Variants in TMEM100 observed in about 807,000 individuals in gnomAD.
The protein encoded by TMEM100 is transmembrane protein 100.
For missense variants in TMEM100, 137 were observed against 168.2 expected, an observed-to-expected ratio of 0.81 and a Z score of 1.02; for synonymous variants, 61 against 67.1, an observed-to-expected ratio of 0.91 and a Z score of 0.44.
chr17:55,721,619 A>T (rs1285056482), intron 1 of TMEM100: 2 of 153,464 alleles, frequency 1.3e-5, no homozygotes, highest in East Asian at 3.8e-4. Context: ...ATCAATGTCA[A>T]GGCAAGTGGC....
chr17:55,730,891 T>A (rs12937828), intron 1 of TMEM100, among the ~76,000 whole-genome samples: 2 of 152,222 alleles, frequency 1.3e-5, no homozygotes, highest in Non-Finnish European at 2.9e-5. Flanking sequence ...AACTTTGCTG[T>A]CTCCTTCTTG....
upstream of TMEM100, among the ~76,000 whole-genome samples, chr17:55,725,769 A>G (rs1909054309): frequency 6.6e-6 from 1 of 151,650 alleles, no homozygotes; most frequent in South Asian, 2.1e-4. Flanking sequence ...AGAGACAGAG[A>G]GAAAGGGCAT....
chr17:55,720,569 C>A lies in TMEM100; in HGVS notation c.*97G>T. The A allele has an allele frequency of 6.8e-7, 1 of 1,464,600 alleles. No individual in the cohort carries two copies. 90.7% of individuals were successfully genotyped at this position (1,464,600 alleles called of 1,614,324 possible). On this transcript the variant is annotated 3_prime_UTR_variant, in exon 2 of 2. Coordinates refer to ENST00000424486, the MANE Select transcript of TMEM100 (RefSeq NM_018286.3). The stretch of plus-strand genomic sequence containing the variant: ...CCCATTCTTCCAGTCTGCTCCAACG[C>A]CAAGTCTGTTCTCTCCCACCATGGT...
In TMEM100 at chr17:55,720,532, CA is replaced by C; in HGVS notation, c.*133del. 3.2e-6 allele frequency: 3 copies of C among 941,824 alleles called. No homozygotes were observed. The highest frequency in any genetic ancestry group is 4.6e-6 in the Non-Finnish European group (3 of 647,920). 58.3% of individuals were successfully genotyped at this position (941,824 alleles called of 1,614,324 possible). A position where few individuals can be genotyped will look rare whatever the true frequency, so the allele number is the denominator to read the frequency against. On this transcript the variant is annotated 3_prime_UTR_variant, in exon 2 of 2. Coordinates refer to ENST00000424486, the MANE Select transcript of TMEM100 (RefSeq NM_018286.3). Reference sequence around the variant, plus strand: ...ATTCCTCACAAAGGAGAAGCCCCTCCACCCTCCCACCCCCATTCTTCCAGTC... The same window carrying C: ...ATTCCTCACAAAGGAGAAGCCCCTCCCCCTCCCACCCCCATTCTTCCAGTC...
chr17:55,720,978 G>A lies in TMEM100; in HGVS notation c.93C>T (p.Ile31=), dbSNP rs1189317788. 6.2e-7 allele frequency: 1 copy of A among 1,614,198 alleles called. No homozygotes were observed. The highest frequency in any genetic ancestry group is 1.1e-5 in the South Asian group (1 of 91,084). The change falls in exon 2 of 2, where the codon ATC becomes ATT. Residue 31 remains isoleucine (I), a synonymous_variant. Transcript: ENST00000424486. ...MEKSPKSEVV[I]TTVPLVSEIQ... ...TCTCACTGACCAGAGGGACTGTGGT[G>A]ATCACAACTTCACTCTTGGGGCTCT...
rs1319616028 is a variant in TMEM100, at chr17:55,722,774, A to G, written c.-221T>C. 6.6e-6 allele frequency: 1 copy of G among 152,238 alleles called. No homozygotes were observed. The highest frequency in any genetic ancestry group is 2.4e-5 in the African/African-American group (1 of 41,442). 9.4% of individuals were successfully genotyped at this position (152,238 alleles called of 1,614,324 possible). A position where few individuals can be genotyped will look rare whatever the true frequency, so the allele number is the denominator to read the frequency against. Reference sequence around the variant, plus strand: ...TTAGGGATCTCTTCTGGGGAAAGGAAAAGATGTAAAAATACTTTACTATAG... The same window carrying G: ...TTAGGGATCTCTTCTGGGGAAAGGAGAAGATGTAAAAATACTTTACTATAG... On this transcript the variant is annotated 5_prime_UTR_variant, in exon 1 of 2. Coordinates refer to ENST00000424486, the MANE Select transcript of TMEM100 (RefSeq NM_018286.3).
chr17:55,725,901 C>T (rs1042186370), upstream of TMEM100, among the ~76,000 whole-genome samples: 1 of 152,126 alleles, frequency 6.6e-6, no homozygotes, highest in East Asian at 1.9e-4. Context: ...TGAATCAGAA[C>T]CTGCAGAAAA....
chr17:55,723,422 G>T (rs1272234346), upstream of TMEM100, among the ~76,000 whole-genome samples: 2 of 152,180 alleles, frequency 1.3e-5, no homozygotes, highest in African/African-American at 4.8e-5. Context: ...GGTTAAGGGG[G>T]AAAGCCAGTT....
At position 55,722,795 on chromosome 17, in the gene TMEM100, T is replaced by C. The variant is rs1908942727; in HGVS notation, c.-242A>G. ...AGGAAAAGATGTAAAAATACTTTAC[T>C]ATAGGGTCTGCTCTGGTTTGGGATC... On this transcript the variant is annotated 5_prime_UTR_variant, in exon 1 of 2. In the 5' UTR this introduces an upstream ATG that the reference lacks. Transcript: ENST00000424486. 1 of 152,278 alleles carries C rather than the reference T, an allele frequency of 6.6e-6. No homozygotes were observed. The highest frequency in any genetic ancestry group is 2.4e-5 in the African/African-American group (1 of 41,462). 9.4% of individuals were successfully genotyped at this position (152,278 alleles called of 1,614,324 possible). A position where few individuals can be genotyped will look rare whatever the true frequency, so the allele number is the denominator to read the frequency against.
In TMEM100 at chr17:55,720,461, G is replaced by T; in HGVS notation, c.*205C>A. 1.6e-6 allele frequency: 1 copy of T among 637,042 alleles called. No individual in the cohort carries two copies. Among genetic ancestry groups the T allele is most frequent in the Non-Finnish European group, 2.6e-6 (1 of 385,546 alleles). The allele number at this position is 637,042 out of a possible 1,614,324, so 39.5% of individuals were successfully genotyped here. A position where few individuals can be genotyped will look rare whatever the true frequency, so the allele number is the denominator to read the frequency against. Reference sequence around the variant, plus strand: ...ATAGAAAGCTGATTTTTCAGTCTCAGAAGTAGCCCTTAGGGTTAAGTTTGT... The same window carrying T: ...ATAGAAAGCTGATTTTTCAGTCTCATAAGTAGCCCTTAGGGTTAAGTTTGT... On this transcript the variant is annotated 3_prime_UTR_variant, in exon 2 of 2. Transcript: ENST00000424486.
At chr17:55,729,686 A>G (rs17211933) in intron 1 of TMEM100, among the ~76,000 whole-genome samples, 8,802 of 152,248 alleles carry the variant, frequency 0.058, 616 homozygotes, top group East Asian at 0.27. Context: ...TATACACACC[A>G]GCTGTGAGAT....
chr17:55,731,134 G>C (rs1028080280), intron 1 of TMEM100, among the ~76,000 whole-genome samples: 1 of 152,154 alleles, frequency 6.6e-6, no homozygotes, highest in African/African-American at 2.4e-5. Flanking sequence ...CAGTATGATG[G>C]ACTCAGTAGT....
At chr17:55,725,699 ATATGTGTGTGTGTG>A (rs1254853523), upstream of TMEM100, among the ~76,000 whole-genome samples, 392 of 88,536 alleles carry the variant, frequency 4.4e-3, 1 homozygote, top group African/African-American at 0.014. Context: ...TAACCCATAT[ATATGTGTGTGTGTG>A]TGTGTGTGTG....
At chr17:55,728,796 G>A (rs758322833) in intron 1 of TMEM100, among the ~76,000 whole-genome samples, 2 of 152,086 alleles carry the variant, frequency 1.3e-5, no homozygotes, top group Non-Finnish European at 2.9e-5. Context: ...GCCCAGGGGT[G>A]TGTGTGTGTA....
Position 55,720,459 on chromosome 17 carries a change from C to T in TMEM100, c.*207G>A. 1.6e-6 allele frequency: 1 copy of T among 626,612 alleles called. No individual in the cohort carries two copies. The highest frequency in any genetic ancestry group is 2.6e-6 in the Non-Finnish European group (1 of 378,852). 38.8% of individuals were successfully genotyped at this position (626,612 alleles called of 1,614,324 possible). ...AAATAGAAAGCTGATTTTTCAGTCT[C>T]AGAAGTAGCCCTTAGGGTTAAGTTT... is the stretch of plus-strand genomic sequence containing the variant. On this transcript the variant is annotated 3_prime_UTR_variant, in exon 2 of 2. Transcript: ENST00000424486.
rs780700702 is a variant in TMEM100 at position 55,721,037 on chromosome 17, C to T, written c.34G>A (p.Ala12Thr). The change falls in exon 2 of 2, where the codon GCC becomes ACC. Residue 12 changes from alanine to threonine, a missense_variant. Transcript: ENST00000424486. ...TEEPIKEILGAPKAHMAATME... is the reference protein window; with the variant it reads ...TEEPIKEILGTPKAHMAATME... ...GTCGCTGCCATGTGAGCCTTTGGGGCTCCCAGGATCTCCTTGATGGGCTCT... is the reference window on the plus strand; with the variant it reads ...GTCGCTGCCATGTGAGCCTTTGGGGTTCCCAGGATCTCCTTGATGGGCTCT... 28 of 1,613,092 alleles carry T rather than the reference C, an allele frequency of 1.7e-5. No homozygotes were observed. The Middle Eastern group carries it at 9.9e-4, about 57-fold the overall frequency.
At chr17:55,723,898 T>G (rs535180967), upstream of TMEM100, among the ~76,000 whole-genome samples, 6 of 152,332 alleles carry the variant, frequency 3.9e-5, no homozygotes, top group East Asian at 9.6e-4. Context: ...GTAAGTGACT[T>G]TATAGGTTTA....
intron 1 of TMEM100, among the ~76,000 whole-genome samples, chr17:55,730,172 C>T (rs1346958220): frequency 2.6e-5 from 4 of 152,166 alleles, no homozygotes. Context: ...AATCATCTGT[C>T]AGTTCCTCAA....
chr17:55,726,451 T>C (rs1344679223), upstream of TMEM100, among the ~76,000 whole-genome samples: 1 of 152,162 alleles, frequency 6.6e-6, no homozygotes, highest in Non-Finnish European at 1.5e-5. Flanking sequence ...GATTTTCCTA[T>C]TGAGTTTGTG....
Sources: allele counts gnomAD v4.1 joint callset (sites outside exome capture counted in the v4.1 genomes callset), GRCh38; gene constraint gnomAD v4.1.1; transcripts MANE v1.5; gene names NCBI Gene and HGNC (gene_info 2026-07-23, HGNC 2026-07-21).